SLC13A4: variants seen among roughly 807,000 people sequenced by gnomAD.
SLC13A4 encodes the protein solute carrier family 13 member 4.
A neutral mutation model predicts 72.7 loss-of-function variants in SLC13A4; 28 were observed. The ratio of observed to expected loss-of-function variants is 0.39; its 90% CI spans 0.29 to 0.53. The LOEUF (loss-of-function observed/expected upper bound fraction) is 0.53, where lower values mean the gene tolerates loss of function less well. SLC13A4 is among the 20% of genes least tolerant of loss of function. SLC13A4 has a pLI of 0.78. For missense variants in SLC13A4, 653 were observed against 788.0 expected (o/e 0.83, Z 2.05); for synonymous variants, 312 against 325.5 (o/e 0.96, Z 0.45).
chr7:135,695,325 CA>C lies in SLC13A4; in HGVS notation c.1019+42del, dbSNP rs746387092. The C allele has an allele frequency of 1.7e-5, 27 of 1,611,254 alleles. No individual in the cohort carries two copies. The Admixed American group carries it at 3.8e-4, about 23-fold the overall frequency. Reference sequence around the variant, plus strand: ...GCCCATGCCATGGCCTTTGGATCAACAGGGGGGCTTCAGTGCTTTGCTGAAA... The same window carrying C: ...GCCCATGCCATGGCCTTTGGATCAACGGGGGGCTTCAGTGCTTTGCTGAAA... On this transcript the variant is annotated intron_variant, in intron 9 of 15. Transcript: ENST00000682651.
chr7:135,719,236 G>A (rs1050812645), intron 2 of SLC13A4, among the ~76,000 whole-genome samples: 6 of 152,188 alleles, frequency 3.9e-5, no homozygotes, highest in African/African-American at 1.4e-4. Flanking sequence ...TCTGGACAAA[G>A]GGGCGTCCCT....
intron 9 of SLC13A4, 64 bp from the exon 10 acceptor site, chr7:135,694,302 T>C: frequency 2.0e-6 from 2 of 1,013,994 alleles, no homozygotes; most frequent in South Asian, 2.6e-5. Flanking sequence ...AGATCAAATA[T>C]TAGGTAAATA....
chr7:135,724,755 G>C (rs1419720025), intron 1 of SLC13A4, among the ~76,000 whole-genome samples: 1 of 152,108 alleles, frequency 6.6e-6, no homozygotes, highest in Non-Finnish European at 1.5e-5. Flanking sequence ...GTAGAAGAAT[G>C]GACAAGAGAC....
intron 7 of SLC13A4, among the ~76,000 whole-genome samples, chr7:135,700,971 T>A (rs1464153365): frequency 6.6e-6 from 1 of 152,154 alleles, no homozygotes; most frequent in African/African-American, 2.4e-5. Flanking sequence ...AGTATATTGA[T>A]GGGTTAATTG....
chr7:135,707,538 C>T (rs1383759867), intron 3 of SLC13A4: 2 of 152,152 alleles, frequency 1.3e-5, no homozygotes, highest in Non-Finnish European at 2.9e-5. Flanking sequence ...CAGGATATTC[C>T]AAAAGGGAAG....
At chr7:135,719,855 G>A (rs746418997) in intron 2 of SLC13A4, among the ~76,000 whole-genome samples, 13 of 148,342 alleles carry the variant, frequency 8.8e-5, no homozygotes, top group African/African-American at 2.8e-4. Context: ...ATATATATAT[G>A]TGTGTACAGA....
chr7:135,699,918 G>A (rs1795992634), intron 7 of SLC13A4, among the ~76,000 whole-genome samples: 1 of 152,114 alleles, frequency 6.6e-6, no homozygotes, highest in Admixed American at 6.5e-5. Flanking sequence ...ACTCTACATT[G>A]TGTTTGAATA....
At position 135,694,357 on chromosome 7, in the gene SLC13A4, G is replaced by A. The variant is rs146770051; in HGVS notation, c.1020-119C>T. On this transcript the variant is annotated intron_variant, in intron 9 of 15. Coordinates refer to ENST00000682651, the MANE Select transcript of SLC13A4 (RefSeq NM_001318192.2). Reference sequence around the variant, plus strand: ...TGGTCACTTTTCTCCTCTTTCACATGCTCTATCCCTCTATCCCCCACCTAT... The same window carrying A: ...TGGTCACTTTTCTCCTCTTTCACATACTCTATCCCTCTATCCCCCACCTAT... 6.9e-3 allele frequency: 4,462 copies of A among 645,238 alleles called. 32 individuals carry two copies. The highest frequency in any genetic ancestry group is 9.2e-3 in the Non-Finnish European group (3,372 of 364,806). 40.0% of individuals were successfully genotyped at this position (645,238 alleles called of 1,614,324 possible).
chr7:135,690,273 A>C (rs931922673), intron 13 of SLC13A4, among the ~76,000 whole-genome samples: 28 of 151,736 alleles, frequency 1.8e-4, no homozygotes, highest in Non-Finnish European at 3.4e-4. Context: ...TCTGAACCTT[A>C]ACCTAATTCA....
intron 1 of SLC13A4, among the ~76,000 whole-genome samples, chr7:135,724,732 G>C (rs1796618843): frequency 6.6e-6 from 1 of 152,118 alleles, no homozygotes; most frequent in Non-Finnish European, 1.5e-5. Flanking sequence ...TTTTTACCTG[G>C]ATTTTCCTTA....
chr7:135,719,889 A>AAG (rs1201457387), intron 2 of SLC13A4, among the ~76,000 whole-genome samples: 8 of 141,850 alleles, frequency 5.6e-5, no homozygotes, highest in Admixed American at 1.4e-4. Flanking sequence ...AGAGGAAGGA[A>AAG]AGAGAGAGAG....
chr7:135,701,444 C>A (rs1319621768), intron 7 of SLC13A4, among the ~76,000 whole-genome samples: 1 of 152,208 alleles, frequency 6.6e-6, no homozygotes, highest in African/African-American at 2.4e-5. Context: ...CTACACCAAA[C>A]CCCAGCTTTT....
intron 8 of SLC13A4, among the ~76,000 whole-genome samples, chr7:135,697,213 G>A (rs1337168438): frequency 1.3e-5 from 2 of 152,254 alleles, no homozygotes; most frequent in East Asian, 1.9e-4. Context: ...TGACCCCAGC[G>A]CTGCAGGCCG....
intron 2 of SLC13A4, among the ~76,000 whole-genome samples, chr7:135,719,809 G>GTGTA (rs1563171299): frequency 3.4e-5 from 5 of 145,022 alleles, no homozygotes; most frequent in African/African-American, 1.4e-4. Context: ...GTGTATGTGT[G>GTGTA]TGTGTGTGTG....
At chr7:135,692,677 A>C in intron 10 of SLC13A4, 1 of 418,286 alleles carries the variant, frequency 2.4e-6, no homozygotes. Context: ...TACATTTGTA[A>C]AATAATTTCA....
At position 135,681,717 on chromosome 7, in the gene SLC13A4, A is replaced by G. The variant is rs767131807; in HGVS notation, c.1747-17T>C. ...AGCTTTCACCTGCAGGACACAAACC[A>G]GCACACCCTAGTCACTCTGACCAGC... On this transcript the variant is annotated splice_polypyrimidine_tract_variant and intron_variant, in intron 15 of 15. Coordinates refer to ENST00000682651, the MANE Select transcript of SLC13A4 (RefSeq NM_001318192.2). 1.1e-5 allele frequency: 17 copies of G among 1,609,926 alleles called. No homozygotes were observed. The South Asian group carries it at 1.7e-4, about 16-fold the overall frequency.
rs1443226494 is a variant in SLC13A4 at position 135,684,110 on chromosome 7, G to T, written c.1746+14C>A. Reference sequence around the variant, plus strand: ...GGCAGCTGGGCCTGGCAGGGAGAGGGCACCCCAACTCACCATATCTTTGAT... The same window carrying T: ...GGCAGCTGGGCCTGGCAGGGAGAGGTCACCCCAACTCACCATATCTTTGAT... On this transcript the variant is annotated intron_variant, in intron 15 of 15. Coordinates refer to ENST00000682651, the MANE Select transcript of SLC13A4 (RefSeq NM_001318192.2). The T allele has an allele frequency of 6.3e-7, 1 of 1,586,214 alleles. No homozygotes were observed. The highest frequency in any genetic ancestry group is 8.6e-7 in the Non-Finnish European group (1 of 1,161,644).
chr7:135,713,386 C>T (rs1172787015), intron 2 of SLC13A4, among the ~76,000 whole-genome samples: 1 of 152,114 alleles, frequency 6.6e-6, no homozygotes, highest in Non-Finnish European at 1.5e-5. Context: ...CAAGGAATAG[C>T]TATAGCAATC....
At chr7:135,692,280 G>T in intron 11 of SLC13A4, 43 bp downstream of exon 11, 1 of 1,356,840 alleles carries the variant, frequency 7.4e-7, no homozygotes, top group Non-Finnish European at 1.1e-6. Flanking sequence ...CTGAAGAATT[G>T]GGGTGAGGGG....
Sources: gnomAD v4.1 joint callset for allele counts (sites outside exome capture counted in the v4.1 genomes callset) on GRCh38, gnomAD v4.1.1 for gene constraint, MANE v1.5 for transcripts, NCBI Gene and HGNC (gene_info 2026-07-23, HGNC 2026-07-21) for gene names.